The following DUOX2 variants were observed in gnomAD, a reference collection of about 807,000 sequenced individuals.
DUOX2 encodes dual oxidase 2.
Under a neutral mutation model 183.3 loss-of-function variants are expected in DUOX2, and 185 were observed. That is an observed-to-expected ratio of 1.01 (90% CI 0.90 to 1.14). The LOEUF is 1.14. DUOX2 is among the 50% of genes most tolerant of loss of function. The pLI is 0.00. For synonymous variants in DUOX2, 788 were observed against 812.4 expected (o/e 0.97, Z 0.51); for missense variants, 1,999 against 2,022.9 (o/e 0.99, Z 0.23).
Position 45,109,526 on chromosome 15 carries a change from C to CT in DUOX2, c.1231dup (p.Arg411LysfsTer32). ...ACCCCTTCTGGCTCTGAGCTCACCCCTCAGATCTTCAACCACTATGTTGTC... is the reference window on the plus strand; with the variant it reads ...ACCCCTTCTGGCTCTGAGCTCACCCCTTCAGATCTTCAACCACTATGTTGTC... On this transcript the variant is annotated frameshift_variant, in exon 11 of 34. Coordinates refer to ENST00000389039, the MANE Select transcript of DUOX2 (RefSeq NM_001363711.2). LOFTEE classifies it high-confidence loss of function. The CT allele has an allele frequency of 6.2e-7, 1 of 1,614,106 alleles. No homozygotes were observed. Among genetic ancestry groups the CT allele is most frequent in the Non-Finnish European group, 8.5e-7 (1 of 1,180,004 alleles).
At position 45,106,192 on chromosome 15, in the gene DUOX2, T is replaced by G. The variant is rs1406001221; in HGVS notation, c.2081A>C (p.Asn694Thr). The G allele has an allele frequency of 1.9e-6, 3 of 1,614,130 alleles. No individual in the cohort carries two copies. The highest frequency in any genetic ancestry group is 2.5e-6 in the Non-Finnish European group (3 of 1,180,012). Residue 694 changes from asparagine (N) to threonine (T), a missense_variant, in exon 17 of 34, where the codon AAC (asparagine) becomes ACC (threonine). Physicochemically the swap from Asn to Thr is moderately conservative, Grantham distance 65. This residue lies in a region of DUOX2 where 1,628 missense variants were observed against 1,608.6 expected (regional missense o/e 1.01). Transcript: ENST00000389039. Reference protein sequence around the residue: ...VVQLQPLQQVNLILSNNRGCR... With the variant: ...VVQLQPLQQVTLILSNNRGCR... ...TCCTCGGTTGTTGGACAGGATGAGG[T>G]TGACCTGCTGCAGAGGCTGCAGCTG...
At chr15:45,108,510 T>G in intron 12 of DUOX2, 1 of 600,374 alleles carries the variant, frequency 1.7e-6, no homozygotes, top group South Asian at 2.0e-5. Flanking sequence ...GCCCTTGGGG[T>G]GGGACCCTGC....
intron 3 of DUOX2, 65 bp downstream of exon 3, chr15:45,112,921 AG>A: frequency 6.3e-7 from 1 of 1,585,784 alleles, no homozygotes; most frequent in Non-Finnish European, 8.6e-7. Flanking sequence ...TTCCCCGCTC[AG>A]GGCCTTTCGC....
At position 45,103,960 on chromosome 15, in the gene DUOX2, C is replaced by G; in HGVS notation, c.2654G>C (p.Arg885Pro). Residue 885 changes from arginine (R) to proline (P), a missense_variant and splice_region_variant, in exon 20 of 34, where the codon CGA becomes CCA. By Grantham distance (103) the Arg-to-Pro change is moderately radical (BLOSUM62 -2). This residue lies in a region of DUOX2 where 1,628 missense variants were observed against 1,608.6 expected (regional missense o/e 1.01). Coordinates refer to ENST00000389039, the MANE Select transcript of DUOX2 (RefSeq NM_001363711.2). ...AGGATTAGAAAGGCACACCCCATACCGCATCATGGTGAAGAATTCGTCCTT... is the reference window on the plus strand; with the variant it reads ...AGGATTAGAAAGGCACACCCCATACGGCATCATGGTGAAGAATTCGTCCTT... ...LSKDEFFTMM[R>P]SFIEISNNCL... 1 of 1,614,062 alleles carries G rather than the reference C, an allele frequency of 6.2e-7. No individual in the cohort carries two copies. The highest frequency in any genetic ancestry group is 8.5e-7 in the Non-Finnish European group (1 of 1,179,990).
Position 45,094,561 on chromosome 15 carries a change from A to AC in DUOX2, c.4524+1dup, listed in dbSNP as rs578014563. The AC allele has an allele frequency of 5.4e-5, 87 of 1,612,880 alleles. No individual in the cohort carries two copies. In the African/African-American group the frequency reaches 1.1e-3, roughly 20 times the overall value. ...CCCAGGGTGGGAGGGAGTGGGACTGACCTGTGGGTGGACCTCCTGCAGGGA... is the reference window on the plus strand; with the variant it reads ...CCCAGGGTGGGAGGGAGTGGGACTGACCCTGTGGGTGGACCTCCTGCAGGGA... On this transcript the variant is annotated splice_donor_variant, in intron 33 of 33. Transcript: ENST00000389039. LOFTEE classifies it high-confidence loss of function.
chr15:45,111,861 G>A lies in DUOX2; in HGVS notation c.420C>T (p.Phe140=), dbSNP rs750052272. 8 of 1,613,574 alleles carry A rather than the reference G, an allele frequency of 5.0e-6. No homozygotes were observed. The highest frequency in any genetic ancestry group is 1.1e-5 in the South Asian group (1 of 91,078). The part of the protein sequence containing the change: ...NIRIPPGDPV[F]DPDQRGDVVL... ...CCACGTCCCCGCGCTGGTCGGGGTCGAACACGGGGTCTCCAGGTGGGATGC... is the reference window on the plus strand; with the variant it reads ...CCACGTCCCCGCGCTGGTCGGGGTCAAACACGGGGTCTCCAGGTGGGATGC... The change falls in exon 5 of 34, where the codon TTC becomes TTT. Residue 140 remains phenylalanine, a synonymous_variant. Transcript: ENST00000389039.
intron 12 of DUOX2, 157 bp from the exon 13 acceptor site, chr15:45,108,379 T>C: frequency 1.2e-6 from 1 of 856,884 alleles, no homozygotes; most frequent in Non-Finnish European, 1.8e-6. Context: ...AGGACAAGTC[T>C]GGTGGAAGGA....
chr15:45,112,520 G>C (rs201270846), intron 4 of DUOX2, 34 bp downstream of exon 4: 58 of 1,606,840 alleles, frequency 3.6e-5, no homozygotes, highest in Non-Finnish European at 4.6e-5. Context: ...CAGAGCGCCA[G>C]ATCAACCCCA....
chr15:45,112,932 C>A, intron 3 of DUOX2, 55 bp downstream of exon 3: 2 of 1,595,292 alleles, frequency 1.3e-6, no homozygotes, highest in Non-Finnish European at 1.7e-6. Flanking sequence ...GGGCCTTTCG[C>A]GCCCCGGCCC....
At chr15:45,101,345 C>G (rs780176601) in intron 21 of DUOX2, 71 bp from the exon 22 acceptor site, 158 of 1,323,576 alleles carry the variant, frequency 1.2e-4, no homozygotes, top group Non-Finnish European at 1.7e-4. Context: ...AGACTGTGCC[C>G]TCCTCCCTTC....
intron 1 of DUOX2, 145 bp from the exon 2 acceptor site, chr15:45,113,570 C>A: frequency 1.5e-6 from 1 of 681,442 alleles, no homozygotes; most frequent in South Asian, 1.7e-5. Context: ...TTAGAAGCAT[C>A]ACCGAGGACC....
rs767455069 is a variant in DUOX2, at chr15:45,108,026, G to A, written c.1574+21C>T. ...CTCAGGCTGAGGAGCAGTCTGAGGT[G>A]GGGGCCCAGGCAAGCCTTACCCATT... On this transcript the variant is annotated intron_variant, in intron 13 of 33. Coordinates refer to ENST00000389039, the MANE Select transcript of DUOX2 (RefSeq NM_001363711.2). 19 of 1,613,664 alleles carry A rather than the reference G, an allele frequency of 1.2e-5. No homozygotes were observed. The Admixed American group carries it at 2.3e-4, about 20-fold the overall frequency.
chr15:45,094,920 G>A lies in DUOX2; in HGVS notation c.4395+16C>T. On this transcript the variant is annotated intron_variant, in intron 32 of 33. Coordinates refer to ENST00000389039, the MANE Select transcript of DUOX2 (RefSeq NM_001363711.2). ...TCTGCCCGCCAAGTTGCCCTGCCTG[G>A]CGGGCCCTGACATACTAGCATGGTG... is the stretch of plus-strand genomic sequence containing the variant. 2 of 1,613,308 alleles carry A rather than the reference G, an allele frequency of 1.2e-6. No individual in the cohort carries two copies. Among genetic ancestry groups the A allele is most frequent in the Non-Finnish European group, 1.7e-6 (2 of 1,179,300 alleles).
At chr15:45,102,625 C>T (rs1392361028) in intron 20 of DUOX2, among the ~76,000 whole-genome samples, 1 of 152,186 alleles carries the variant, frequency 6.6e-6, no homozygotes, top group East Asian at 1.9e-4. Context: ...CAAGCACAAC[C>T]ATCACATTAA....
In DUOX2 at chr15:45,104,175, C is replaced by T. The variant is rs1221470749; in HGVS notation, c.2525G>A (p.Arg842Gln). 2.6e-5 allele frequency: 42 copies of T among 1,614,168 alleles called. No individual in the cohort carries two copies. In the Middle Eastern group the frequency reaches 6.6e-4, roughly 25 times the overall value. The change falls in exon 19 of 34, where the codon CGA (arginine) becomes CAA (glutamine). Residue 842 changes from arginine to glutamine, a missense_variant. Physicochemically the swap from Arg to Gln is conservative, Grantham distance 43 (BLOSUM62 1). Coordinates refer to ENST00000389039, the MANE Select transcript of DUOX2 (RefSeq NM_001363711.2). ...GACCACCAGGATGTCCAGGAACTCT[C>T]GGAAGGACAGGTAGCCATTGCCATC... ...DKDGNGYLSFREFLDILVVFM... is the reference protein window; with the variant it reads ...DKDGNGYLSFQEFLDILVVFM...
At chr15:45,094,492 G>T in intron 33 of DUOX2, 71 bp downstream of exon 33, 11 of 1,563,630 alleles carry the variant, frequency 7.0e-6, no homozygotes, top group South Asian at 3.5e-5. Context: ...CAGAGTGGCA[G>T]GGTGCTTCAG....
Position 45,113,318 on chromosome 15 carries a change from C to T in DUOX2, c.70+24G>A, listed in dbSNP as rs867883717. ...CCCAGGGATCCTGGGGAACACCCCG[C>T]CGCTAGAGGAGCCTGATACTTGCCC... On this transcript the variant is annotated intron_variant, in intron 2 of 33. Transcript: ENST00000389039. 3.2e-6 allele frequency: 5 copies of T among 1,554,054 alleles called. No individual in the cohort carries two copies. The Middle Eastern group carries it at 8.3e-4, about 259-fold the overall frequency.
At position 45,114,165 on chromosome 15, in the gene DUOX2, G is replaced by T. The variant is rs1271000259; in HGVS notation, c.-207C>A. ...AGGTGTCGGCTCAGGACAGACCTGC[G>T]CCAGTGTGAGCATCTGGACCTAGGG... On this transcript the variant is annotated 5_prime_UTR_variant, in exon 1 of 34. Transcript: ENST00000389039. 1 of 305,866 alleles carries T rather than the reference G, an allele frequency of 3.3e-6. No homozygotes were observed. The highest frequency in any genetic ancestry group is 6.4e-6 in the Non-Finnish European group (1 of 156,254). The allele number at this position is 305,866 out of a possible 1,614,324, so 18.9% of individuals were successfully genotyped here.
In DUOX2 at chr15:45,095,861, G is replaced by A; in HGVS notation, c.4047C>T (p.Ser1349=). 6.2e-7 allele frequency: 1 copy of A among 1,614,108 alleles called. No homozygotes were observed. The highest frequency in any genetic ancestry group is 8.5e-7 in the Non-Finnish European group (1 of 1,180,030). ...ATCCAGCACAGCCATTGCCCTTTGG[G>A]GATGAGTAGATCTCCCTGAGGCGAG... ...WTTRLREIYS[S]PKGNGCAGYP... The change falls in exon 30 of 34, where the codon TCC becomes TCT. Residue 1349 remains serine, a synonymous_variant. Coordinates refer to ENST00000389039, the MANE Select transcript of DUOX2 (RefSeq NM_001363711.2).
Sources: gnomAD v4.1 joint callset for allele counts (sites outside exome capture counted in the v4.1 genomes callset) on GRCh38, gnomAD v4.1.1 for gene constraint, gnomAD v4.1.1 regional missense constraint, MANE v1.5 for transcripts, NCBI Gene and HGNC (gene_info 2026-07-23, HGNC 2026-07-21) for gene names.